RTTN: variants seen among roughly 807,000 people sequenced by gnomAD.
RTTN encodes the protein rotatin.
In RTTN, 182 loss-of-function variants were observed where a neutral mutation model predicts 269.2. That is an observed-to-expected ratio of 0.68 (90% CI 0.60 to 0.76). The LOEUF (loss-of-function observed/expected upper bound fraction) is 0.76. Among genes scored for constraint, RTTN ranks in the 30% least tolerant of loss-of-function variants. The probability of loss-of-function intolerance (pLI) is 0.00; values close to 1 mark genes in which losing one functional copy is unlikely to be tolerated. For synonymous variants in RTTN, 1,006 were observed against 963.5 expected (o/e 1.04, Z -0.82); for missense variants, 2,545 against 2,608.6 (o/e 0.98, Z 0.53).
At chr18:70,030,144 T>C (rs368646656) in intron 41 of RTTN, 35 bp from the exon 42 acceptor site, 5 of 1,425,672 alleles carry the variant, frequency 3.5e-6, no homozygotes, top group Non-Finnish European at 3.9e-6. Context: ...CAAAAGGATA[T>C]TCTATTTCCA....
intron 21 of RTTN, among the ~76,000 whole-genome samples, chr18:70,137,101 C>A (rs761380143): frequency 6.6e-6 from 1 of 151,968 alleles, no homozygotes; most frequent in Non-Finnish European, 1.5e-5. Flanking sequence ...AAATTGAGAA[C>A]GAGAAGAAAA....
rs74989897 is a variant in RTTN, at chr18:70,066,097, T to A, written c.4654-175A>T. On this transcript the variant is annotated intron_variant, in intron 34 of 48. Coordinates refer to ENST00000640769, the MANE Select transcript of RTTN (RefSeq NM_173630.4). ...TTACAGCAGTTTTTTTAAATGGCAT[T>A]TCCACTTCTTAAAGGAATTGTTATC... Among the ~76,000 whole-genome samples, 1,800 of 152,314 alleles carry A rather than the reference T, an allele frequency of 0.012. 18 individuals are homozygous for A. Among genetic ancestry groups the A allele is most frequent in the Non-Finnish European group, 0.019 (1,308 of 68,026 alleles).
intron 14 of RTTN, among the ~76,000 whole-genome samples, chr18:70,156,505 C>T (rs1212875767): frequency 6.6e-6 from 1 of 152,174 alleles, no homozygotes; most frequent in Non-Finnish European, 1.5e-5. Flanking sequence ...TATGATCTCG[C>T]CCTGCCTCCA....
At chr18:70,014,955 G>A (rs1306922595) in intron 46 of RTTN, among the ~76,000 whole-genome samples, 3 of 152,162 alleles carry the variant, frequency 2.0e-5, no homozygotes, top group South Asian at 2.1e-4. Context: ...ACTGGACTGG[G>A]AGTTTCTATC....
At position 70,010,716 on chromosome 18, in the gene RTTN, A is replaced by G. The variant is rs541578742; in HGVS notation, c.6422-4232T>C. ...AGCAAACAAATTCAAAAGCTTACAG[A>G]AGACAAGAAATAACTAAGATCAGAG... On this transcript the variant is annotated intron_variant, in intron 46 of 48. Coordinates refer to ENST00000640769, the MANE Select transcript of RTTN (RefSeq NM_173630.4). Among the ~76,000 whole-genome samples, 24 of 152,350 alleles carry G rather than the reference A, an allele frequency of 1.6e-4. No homozygotes were observed. In the South Asian group the frequency reaches 5.0e-3, roughly 32 times the overall value.
chr18:70,040,061 A>G (rs2057294686), intron 40 of RTTN, among the ~76,000 whole-genome samples: 1 of 152,170 alleles, frequency 6.6e-6, no homozygotes. Context: ...TTAAAGAATG[A>G]GATCACAAAA....
At chr18:70,139,809 C>T (rs867264720) in intron 20 of RTTN, 93 bp from the exon 21 acceptor site, 31 of 771,006 alleles carry the variant, frequency 4.0e-5, no homozygotes, top group Admixed American at 1.2e-4. Flanking sequence ...AAATTTTATG[C>T]GTTTTCATCA....
At chr18:70,133,590 G>C (rs1233622068) in intron 23 of RTTN, among the ~76,000 whole-genome samples, 1 of 133,754 alleles carries the variant, frequency 7.5e-6, no homozygotes. Context: ...CAGCAACATG[G>C]ACAAATCTCT....
At chr18:70,075,291 T>G in intron 33 of RTTN, 61 bp downstream of exon 33, 1 of 1,200,386 alleles carries the variant, frequency 8.3e-7, no homozygotes, top group South Asian at 1.5e-5. Context: ...ATATATGTAT[T>G]TTTAACAGTT....
chr18:70,028,785 T>TA lies in RTTN; in HGVS notation c.5761_5762insT (p.Lys1921IlefsTer18). 1 of 1,611,128 alleles carries TA rather than the reference T, an allele frequency of 6.2e-7. No individual in the cohort carries two copies. Among genetic ancestry groups the TA allele is most frequent in the South Asian group, 1.1e-5 (1 of 90,868 alleles). Reference sequence around the variant, plus strand: ...GAGCTGCATGGCAATGCTTAACTCTTTAATAACACCATCCTCCTATTTAAA... The same window carrying TA: ...GAGCTGCATGGCAATGCTTAACTCTTATAATAACACCATCCTCCTATTTAAA... On this transcript the variant is annotated frameshift_variant, in exon 43 of 49. Transcript: ENST00000640769. LOFTEE classifies it high-confidence loss of function.
chr18:70,116,872 A>G (rs2059614125), intron 26 of RTTN, among the ~76,000 whole-genome samples: 1 of 151,016 alleles, frequency 6.6e-6, no homozygotes. Context: ...GAGCTTCACC[A>G]AAAGAAGAAA....
chr18:70,037,021 G>A (rs1024990069), intron 40 of RTTN, among the ~76,000 whole-genome samples: 4 of 152,220 alleles, frequency 2.6e-5, no homozygotes, highest in Non-Finnish European at 5.9e-5. Context: ...TGAATTCAGT[G>A]CTGCTCTGTC....
At chr18:70,125,741 T>C (rs1048692872) in intron 25 of RTTN, among the ~76,000 whole-genome samples, 3 of 152,030 alleles carry the variant, frequency 2.0e-5, no homozygotes, top group African/African-American at 7.2e-5. Context: ...AAGCACCCTT[T>C]AAGCTGTTGG....
intron 13 of RTTN, 193 bp downstream of exon 13, chr18:70,166,726 A>G (rs2060996998): frequency 2.3e-6 from 1 of 440,318 alleles, no homozygotes; most frequent in Non-Finnish European, 4.0e-6. Context: ...TTGAAGTTTA[A>G]TCTTGAATAT....
intron 26 of RTTN, among the ~76,000 whole-genome samples, chr18:70,120,789 G>A (rs763756982): frequency 6.6e-5 from 10 of 152,238 alleles, no homozygotes; most frequent in Middle Eastern, 3.4e-3. Context: ...GGTGGCTCAC[G>A]CCTGTAATCC....
intron 28 of RTTN, among the ~76,000 whole-genome samples, chr18:70,093,938 G>A (rs2058924613): frequency 6.6e-6 from 1 of 151,916 alleles, no homozygotes; most frequent in African/African-American, 2.4e-5. Context: ...CCTTTTCTTG[G>A]TTGCTAGGCT....
intron 6 of RTTN, among the ~76,000 whole-genome samples, 186 bp downstream of exon 6, chr18:70,197,438 A>G (rs1267768652): frequency 1.3e-5 from 2 of 152,218 alleles, no homozygotes; most frequent in Non-Finnish European, 2.9e-5. Context: ...AAATGAAACT[A>G]CTACTATTGG....
intron 11 of RTTN, among the ~76,000 whole-genome samples, chr18:70,170,995 A>G (rs556251921): frequency 6.6e-6 from 1 of 152,292 alleles, no homozygotes; most frequent in South Asian, 2.1e-4. Flanking sequence ...GACTATAGGA[A>G]GAACATATTT....
chr18:70,111,051 A>C (rs561726929), intron 27 of RTTN, among the ~76,000 whole-genome samples: 2 of 152,382 alleles, frequency 1.3e-5, no homozygotes, highest in South Asian at 4.1e-4. Flanking sequence ...AAGTGGCAGC[A>C]ACCCCAGACA....
Sources: gnomAD v4.1 joint callset for allele counts (sites outside exome capture counted in the v4.1 genomes callset) on GRCh38, gnomAD v4.1.1 for gene constraint, MANE v1.5 for transcripts, NCBI Gene and HGNC (gene_info 2026-07-23, HGNC 2026-07-21) for gene names.